The following TAB2 variants were observed in gnomAD, a reference collection of about 807,000 sequenced individuals.
The protein encoded by TAB2 is TGF-beta-activated kinase 1 and MAP3K7-binding protein 2.
TAB2 carries 3 observed loss-of-function variants against 65.0 expected under a neutral mutation model. That is an observed-to-expected ratio of 0.05 (90% CI 0.02 to 0.12). TAB2 has a LOEUF of 0.12. Ranked by LOEUF, TAB2 falls within the 10% of genes least tolerant of loss-of-function variation. The pLI, the probability that TAB2 is intolerant of heterozygous loss-of-function variation, is 1.00. For missense variants in TAB2, 623 were observed against 840.3 expected, an observed-to-expected ratio of 0.74 and a Z score of 3.20; for synonymous variants, 298 against 285.1, an observed-to-expected ratio of 1.05 and a Z score of -0.46.
chr6:149,262,638 T>C (rs889650777), intron 1 of TAB2, among the ~76,000 whole-genome samples: 2 of 151,982 alleles, frequency 1.3e-5, no homozygotes, highest in African/African-American at 4.8e-5. Context: ...TGAATGCAAA[T>C]CCTTGCCATT....
rs571685625 is a variant in TAB2, at chr6:149,293,197, T to TG, written c.-121+74427dup. 1.2e-3 allele frequency among the ~76,000 whole-genome samples: 185 copies of TG among 152,294 alleles called. 1 individual carries two copies. The highest frequency in any genetic ancestry group is 4.1e-3 in the African/African-American group (172 of 41,568). ...TTTTAGAATTGTTGAGAGAGAAATG[T>TG]GGGGGGAAGTGTAAATGGAATTATT... is the stretch of plus-strand genomic sequence containing the variant. On this transcript the variant is annotated intron_variant, in intron 1 of 1. Transcript: ENST00000606202.
chr6:149,286,844 G>A (rs1464738220), intron 1 of TAB2, among the ~76,000 whole-genome samples: 5 of 152,148 alleles, frequency 3.3e-5, no homozygotes, highest in African/African-American at 4.8e-5. Context: ...GGCTGGGCGC[G>A]GTAGCTCACA....
In TAB2 at chr6:149,409,918, A is replaced by AT; in HGVS notation, c.*200dup. ...GTCATGAGCAGTTGAAATTCATCAC[A>AT]TGAAAAGTAATCTGCTGAAAGACTT... On this transcript the variant is annotated 3_prime_UTR_variant, in exon 7 of 7. Transcript: ENST00000637181. 1 of 639,790 alleles carries AT rather than the reference A, an allele frequency of 1.6e-6. No individual in the cohort carries two copies. The highest frequency in any genetic ancestry group is 2.8e-5 in the East Asian group (1 of 35,718). 39.6% of individuals were successfully genotyped at this position (639,790 alleles called of 1,614,324 possible). A position where few individuals can be genotyped will look rare whatever the true frequency, so the allele number is the denominator to read the frequency against.
intron 1 of TAB2, among the ~76,000 whole-genome samples, chr6:149,307,627 T>C (rs891950890): frequency 1.3e-5 from 2 of 151,352 alleles, no homozygotes; most frequent in South Asian, 4.2e-4. Context: ...AAGGTTTCCC[T>C]ACTGACTTAG....
chr6:149,326,908 A>T (rs1342010149), intron 1 of TAB2, among the ~76,000 whole-genome samples: 1 of 152,200 alleles, frequency 6.6e-6, no homozygotes, highest in African/African-American at 2.4e-5. Flanking sequence ...AAATGCCATT[A>T]TTTAGAAAAC....
intron 1 of TAB2, among the ~76,000 whole-genome samples, chr6:149,277,790 T>C (rs1423892255): frequency 6.6e-6 from 1 of 152,196 alleles, no homozygotes; most frequent in Admixed American, 6.5e-5. Context: ...TATTAGTCAT[T>C]ACATTTTCTA....
At chr6:149,321,132 T>C (rs1261197799) in intron 1 of TAB2, 2 of 152,230 alleles carry the variant, frequency 1.3e-5, no homozygotes, top group Non-Finnish European at 2.9e-5. Context: ...TGCTGAACTG[T>C]ACAAAGGAGA....
intron 3 of TAB2, among the ~76,000 whole-genome samples, chr6:149,393,105 CT>C (rs1440529523): frequency 2.6e-5 from 4 of 152,074 alleles, no homozygotes; most frequent in Admixed American, 6.5e-5. Context: ...AATTCAGCCA[CT>C]TAGAAGAAAA....
intron 1 of TAB2, among the ~76,000 whole-genome samples, chr6:149,309,428 G>T: frequency 1.4e-5 from 2 of 145,628 alleles, no homozygotes; most frequent in Admixed American, 6.7e-5. Context: ...TGAGACAGAG[G>T]CTCTGTCACC....
chr6:149,247,920 G>C (rs977803274), intron 1 of TAB2: 4 of 152,174 alleles, frequency 2.6e-5, no homozygotes, highest in African/African-American at 9.7e-5. Context: ...AGGGGTAGGG[G>C]CAGCGGGTGG....
chr6:149,327,561 G>T (rs1384126850), intron 1 of TAB2, among the ~76,000 whole-genome samples: 1 of 152,192 alleles, frequency 6.6e-6, no homozygotes, highest in Non-Finnish European at 1.5e-5. Flanking sequence ...ATGTATGTAG[G>T]TGTCACAGTT....
At chr6:149,319,130 T>G (rs1052237431) in intron 1 of TAB2, among the ~76,000 whole-genome samples, 1 of 152,246 alleles carries the variant, frequency 6.6e-6, no homozygotes, top group African/African-American at 2.4e-5. Flanking sequence ...TCAGATTGAT[T>G]CACATTTTAG....
chr6:149,240,911 G>C (rs1422763461), intron 1 of TAB2, among the ~76,000 whole-genome samples: 1 of 152,104 alleles, frequency 6.6e-6, no homozygotes, highest in Admixed American at 6.6e-5. Context: ...CCCCAAATGT[G>C]ACAATATTTG....
intron 1 of TAB2, among the ~76,000 whole-genome samples, chr6:149,259,494 G>A (rs545980918): frequency 9.2e-5 from 14 of 152,274 alleles, no homozygotes; most frequent in African/African-American, 3.4e-4. Flanking sequence ...CTGTCAGAAT[G>A]TTCCATCTCC....
chr6:149,384,009 G>A (rs563017467), intron 3 of TAB2, among the ~76,000 whole-genome samples: 3 of 152,288 alleles, frequency 2.0e-5, no homozygotes, highest in African/African-American at 4.8e-5. Context: ...GTTACTAAAC[G>A]GGGTGGCCTG....
intron 1 of TAB2, among the ~76,000 whole-genome samples, chr6:149,324,263 T>C (rs1460995122): frequency 6.6e-6 from 1 of 152,078 alleles, no homozygotes; most frequent in Non-Finnish European, 1.5e-5. Flanking sequence ...GAGATTTTGG[T>C]AGAAATGTGT....
chr6:149,281,942 G>GA (rs1311787021), intron 1 of TAB2, among the ~76,000 whole-genome samples: 1 of 151,994 alleles, frequency 6.6e-6, no homozygotes, highest in Non-Finnish European at 1.5e-5. Context: ...AAGAAAGCTG[G>GA]AAAAAAATAT....
chr6:149,225,023 C>G (rs1460321792), intron 1 of TAB2, among the ~76,000 whole-genome samples: 1 of 152,148 alleles, frequency 6.6e-6, no homozygotes, highest in African/African-American at 2.4e-5. Flanking sequence ...TCTTATAATA[C>G]TTTTCTATTA....
At chr6:149,289,210 T>C (rs1778730853) in intron 1 of TAB2, among the ~76,000 whole-genome samples, 1 of 151,982 alleles carries the variant, frequency 6.6e-6, no homozygotes, top group Admixed American at 6.6e-5. Flanking sequence ...AACCATCCAA[T>C]GGCCTCCATC....
Sources: allele counts gnomAD v4.1 joint callset (sites outside exome capture counted in the v4.1 genomes callset), GRCh38; gene constraint gnomAD v4.1.1; transcripts MANE v1.5; gene names NCBI Gene and HGNC (gene_info 2026-07-23, HGNC 2026-07-21).